Variants in SH3PXD2A observed in about 807,000 individuals in gnomAD.
SH3PXD2A encodes SH3 and PX domains 2A, also known as SH3 and PX domain-containing protein 2A.
In SH3PXD2A, 32 loss-of-function variants were observed where a neutral mutation model predicts 115.2. That is an observed-to-expected ratio of 0.28 (90% confidence interval 0.21 to 0.37). The LOEUF (loss-of-function observed/expected upper bound fraction) is 0.37, where lower values mean the gene tolerates loss of function less well. SH3PXD2A is among the 10% of genes least tolerant of loss of function. SH3PXD2A has a pLI of 1.00. For missense variants in SH3PXD2A, 1,328 were observed against 1,498.7 expected (o/e 0.89, Z 1.88); for synonymous variants, 610 against 629.1 (o/e 0.97, Z 0.45).
At chr10:103,712,049 A>AT (rs1156857673) in intron 5 of SH3PXD2A, among the ~76,000 whole-genome samples, 38 of 151,540 alleles carry the variant, frequency 2.5e-4, no homozygotes, top group African/African-American at 8.5e-4. Flanking sequence ...CTGTCTCAAA[A>AT]TTAAAAAAAA....
At chr10:103,836,779 T>C (rs573382773) in intron 1 of SH3PXD2A, among the ~76,000 whole-genome samples, 1 of 152,122 alleles carries the variant, frequency 6.6e-6, no homozygotes, top group South Asian at 2.1e-4. Flanking sequence ...TCTCCACAAT[T>C]TGAAACACCA....
chr10:103,603,567 G>A lies in SH3PXD2A; in HGVS notation c.1651C>T (p.Leu551Phe), dbSNP rs752354197. 7.4e-6 allele frequency: 12 copies of A among 1,611,820 alleles called. 1 individual carries two copies. The South Asian group carries it at 1.1e-4, about 15-fold the overall frequency. The part of the protein sequence containing the change: ...ASESQDSPRK[L>F]KYEEPEYDIP... ...TCATACTCAGGCTCCTCATACTTGA[G>A]CTTCCGCGGGGAGTCCTGGCTCTCA... The change falls in exon 15 of 15, where the codon CTC becomes TTC. Residue 551 changes from leucine (L) to phenylalanine (F), a missense_variant. This residue lies in a region of SH3PXD2A where 509 missense variants were observed against 628.3 expected (regional missense o/e 0.81). Transcript: ENST00000369774.
chr10:103,764,461 T>TG (rs1478532800), intron 3 of SH3PXD2A, among the ~76,000 whole-genome samples: 3 of 151,122 alleles, frequency 2.0e-5, no homozygotes, highest in Non-Finnish European at 4.4e-5. Flanking sequence ...GGGCACAGGG[T>TG]GGGGGCGAGT....
intron 1 of SH3PXD2A, among the ~76,000 whole-genome samples, chr10:103,850,804 C>T (rs915829450): frequency 4.6e-5 from 7 of 152,140 alleles, no homozygotes; most frequent in East Asian, 1.9e-4. Context: ...TCAGATTGAC[C>T]GATTGGGTCC....
intron 8 of SH3PXD2A, among the ~76,000 whole-genome samples, chr10:103,639,061 G>A (rs2036909705): frequency 6.6e-6 from 1 of 152,218 alleles, no homozygotes; most frequent in Non-Finnish European, 1.5e-5. Flanking sequence ...GTGGATGGAT[G>A]AGAAGGGCGG....
chr10:103,788,629 G>A (rs1004800806), intron 2 of SH3PXD2A, among the ~76,000 whole-genome samples: 1 of 152,152 alleles, frequency 6.6e-6, no homozygotes, highest in Non-Finnish European at 1.5e-5. Flanking sequence ...CACTTTGGGA[G>A]GCCGAGACGG....
rs543682083 is a variant in SH3PXD2A at position 103,620,941 on chromosome 10, G to A, written c.802+1529C>T. On this transcript the variant is annotated intron_variant, in intron 10 of 14. Coordinates refer to ENST00000369774, the MANE Select transcript of SH3PXD2A (RefSeq NM_001394015.1). This position sits in a 1 kb window ranked among gnomAD's most constrained non-coding sequence, Gnocchi z 5.3. ...GTATGTGTGTATGTTGCGTATATGT[G>A]TGTGTGTGATGATTTTGTGACTGTG... 6.6e-6 allele frequency among the ~76,000 whole-genome samples: 1 copy of A among 152,294 alleles called. No homozygotes were observed. Among genetic ancestry groups the A allele is most frequent in the East Asian group, 1.9e-4 (1 of 5,188 alleles).
At chr10:103,632,701 C>T (rs1484347825) in intron 8 of SH3PXD2A, among the ~76,000 whole-genome samples, 6 of 152,164 alleles carry the variant, frequency 3.9e-5, no homozygotes, top group African/African-American at 1.2e-4. Flanking sequence ...CTGGGCCGGG[C>T]GCGGTGGCTC....
chr10:103,605,701 C>T, intron 14 of SH3PXD2A, 97 bp downstream of exon 14: 1 of 1,459,678 alleles, frequency 6.9e-7, no homozygotes, highest in East Asian at 2.3e-5. Context: ...GCCTGCCTGC[C>T]CCTCAGGAAT....
At chr10:103,814,332 TGA>T (rs1262106575) in intron 1 of SH3PXD2A, among the ~76,000 whole-genome samples, 7 of 152,144 alleles carry the variant, frequency 4.6e-5, no homozygotes, top group Admixed American at 1.3e-4. Context: ...GAGGAACAGC[TGA>T]GAGAATTAGA....
intron 8 of SH3PXD2A, among the ~76,000 whole-genome samples, chr10:103,638,801 G>A (rs2036905051): frequency 6.6e-6 from 1 of 152,260 alleles, no homozygotes; most frequent in African/African-American, 2.4e-5. Context: ...TCTAAAGAAG[G>A]AACCAAGACC....
chr10:103,776,395 CA>C (rs11384789), intron 2 of SH3PXD2A, among the ~76,000 whole-genome samples: 10,180 of 88,260 alleles, frequency 0.12, 1,115 homozygotes, highest in East Asian at 0.35. Flanking sequence ...ACCACTGTCT[CA>C]AAAAAAAAAA....
chr10:103,751,609 T>C (rs2038580377), intron 3 of SH3PXD2A, among the ~76,000 whole-genome samples: 1 of 152,144 alleles, frequency 6.6e-6, no homozygotes, highest in Admixed American at 6.5e-5. Flanking sequence ...CTCTTCAAAA[T>C]CTCCAGCTTT....
At chr10:103,832,303 G>A (rs2039489654) in intron 1 of SH3PXD2A, among the ~76,000 whole-genome samples, 1 of 150,614 alleles carries the variant, frequency 6.6e-6, no homozygotes, top group Non-Finnish European at 1.5e-5. Flanking sequence ...GTCTTCTCAT[G>A]TGCACTTGGG....
chr10:103,668,616 T>A lies in SH3PXD2A; in HGVS notation c.464A>T (p.Asp155Val), dbSNP rs770243854. ...TGCACGCTGGGCAGTACCTGTCACG[T>A]CCTTCTTGGGCGACTCAGCCCAGCT... is the stretch of plus-strand genomic sequence containing the variant. ...LSSWAESPKK[D>V]VTGADATAEP... Residue 155 changes from aspartate to valine, a missense_variant, in exon 7 of 15, where the codon GAC (aspartate) becomes GTC (valine). Physicochemically the swap from Asp to Val is radical, Grantham distance 152 (BLOSUM62 -3). Transcript: ENST00000369774. The A allele has an allele frequency of 2.6e-6, 4 of 1,556,592 alleles. No individual in the cohort carries two copies. In the South Asian group the frequency reaches 4.7e-5, roughly 18 times the overall value.
intron 1 of SH3PXD2A, among the ~76,000 whole-genome samples, chr10:103,837,677 C>G (rs1029037846): frequency 2.2e-4 from 34 of 152,324 alleles, no homozygotes; most frequent in African/African-American, 6.5e-4. Context: ...CACCATATTT[C>G]CAGGAGTCAC....
chr10:103,810,922 A>AAACATG (rs2039261950), intron 1 of SH3PXD2A, among the ~76,000 whole-genome samples: 1 of 13,946 alleles, frequency 7.2e-5, no homozygotes, highest in Non-Finnish European at 2.3e-4. Flanking sequence ...ACACACACGG[A>AAACATG]GACACACACA....
At chr10:103,812,030 T>G (rs1289727935) in intron 1 of SH3PXD2A, among the ~76,000 whole-genome samples, 2 of 152,216 alleles carry the variant, frequency 1.3e-5, no homozygotes, top group Non-Finnish European at 2.9e-5. Flanking sequence ...CCCTAGAAGA[T>G]TCTGGGGCAC....
At chr10:103,848,119 A>G (rs1350936967) in intron 1 of SH3PXD2A, among the ~76,000 whole-genome samples, 1 of 152,062 alleles carries the variant, frequency 6.6e-6, no homozygotes, top group Admixed American at 6.5e-5. Context: ...GTGTGGATGG[A>G]AATTACTCCA....
Sources: allele counts gnomAD v4.1 joint callset (sites outside exome capture counted in the v4.1 genomes callset), GRCh38; gene constraint gnomAD v4.1.1; regional missense constraint gnomAD v4.1.1; non-coding constraint Gnocchi (gnomAD v3.1); transcripts MANE v1.5; gene names NCBI Gene and HGNC (gene_info 2026-07-23, HGNC 2026-07-21).